The following TRIB2 variants were observed in gnomAD, a reference collection of about 807,000 sequenced individuals.
The protein encoded by TRIB2 is tribbles pseudokinase 2, also known as tribbles homolog 2.
A neutral mutation model predicts 26.8 loss-of-function variants in TRIB2; 2 were observed. That is an observed-to-expected ratio of 0.07 (90% confidence interval 0.03 to 0.24). The LOEUF (loss-of-function observed/expected upper bound fraction) is 0.24, where lower values mean the gene tolerates loss of function less well. Ranked by LOEUF, TRIB2 falls within the 10% of genes least tolerant of loss-of-function variation. TRIB2 has a pLI of 1.00. For synonymous variants in TRIB2, 189 were observed against 187.3 expected, an observed-to-expected ratio of 1.01 and a Z score of -0.08; for missense variants, 306 against 449.0, an observed-to-expected ratio of 0.68 and a Z score of 2.88.
chr2:12,721,988 G>T (rs552975557), intron 1 of TRIB2, among the ~76,000 whole-genome samples: 9 of 152,282 alleles, frequency 5.9e-5, no homozygotes, highest in African/African-American at 2.2e-4. Context: ...CAGATTTTAT[G>T]TGACATCAGG....
chr2:12,723,891 C>T (rs1010527705), intron 2 of TRIB2, among the ~76,000 whole-genome samples: 1 of 152,176 alleles, frequency 6.6e-6, no homozygotes, highest in Non-Finnish European at 1.5e-5. Flanking sequence ...AAATTCTACC[C>T]GCAGAACACT....
In TRIB2 at chr2:12,718,556, C is replaced by G. The variant is rs779026155; in HGVS notation, c.249C>G (p.Ser83Arg). ...DHVFRAVHLHSGEELVCKVFD... is the reference protein window; with the variant it reads ...DHVFRAVHLHRGEELVCKVFD... ...TTTTTCGTGCCGTGCATCTGCACAG[C>G]GGAGAGGAGCTGGTGTGCAAGGTAA... Residue 83 changes from serine (S) to arginine (R), a missense_variant, in exon 1 of 3, where the codon AGC (serine) becomes AGG (arginine). Around this residue, in one of 4 missense-constraint regions of TRIB2, gnomAD observed 118 missense variants for 188.8 expected, o/e 0.63. Transcript: ENST00000155926. This position sits in a 1 kb window ranked among gnomAD's most constrained non-coding sequence, Gnocchi z 4.0. 2 of 1,613,802 alleles carry G rather than the reference C, an allele frequency of 1.2e-6. No homozygotes were observed.
rs1666619866 is a variant in TRIB2, at chr2:12,717,546, CT to C, written c.-758del. On this transcript the variant is annotated 5_prime_UTR_variant, in exon 1 of 3. Transcript: ENST00000155926. The surrounding 1 kb of genome is among the most constrained non-coding windows in gnomAD (Gnocchi z 4.8). ...GCCCGCGCCGCAACTCTGTGCCCAG[CT>C]TTTGCAATCTTTTGTTGGCAGCGCT... 5.0e-6 allele frequency: 2 copies of C among 398,200 alleles called. No homozygotes were observed. The highest frequency in any genetic ancestry group is 4.4e-5 in the Admixed American group (1 of 22,716). 24.7% of individuals were successfully genotyped at this position (398,200 alleles called of 1,614,324 possible). A position where few individuals can be genotyped will look rare whatever the true frequency, so the allele number is the denominator to read the frequency against.
rs889094684 is a variant in TRIB2 at position 12,717,497 on chromosome 2, G to T, written c.-811G>T. ...CTCCGCGCGGCGGGCCGAGCCCAGG[G>T]CTTTGTCGCGGTACCTGCGCCCAGC... On this transcript the variant is annotated 5_prime_UTR_variant, in exon 1 of 3. Coordinates refer to ENST00000155926, the MANE Select transcript of TRIB2 (RefSeq NM_021643.4). The surrounding 1 kb of genome is among the most constrained non-coding windows in gnomAD (Gnocchi z 4.8). 5 of 398,296 alleles carry T rather than the reference G, an allele frequency of 1.3e-5. No homozygotes were observed. Among genetic ancestry groups the T allele is most frequent in the Non-Finnish European group, 4.4e-6 (1 of 225,894 alleles). 24.7% of individuals were successfully genotyped at this position (398,296 alleles called of 1,614,324 possible).
chr2:12,725,151 A>G (rs898032401), intron 2 of TRIB2, among the ~76,000 whole-genome samples: 14 of 152,204 alleles, frequency 9.2e-5, no homozygotes, highest in Admixed American at 9.2e-4. Context: ...GCCAGAGGGC[A>G]TGGGGACAGC....
At chr2:12,720,025 A>C (rs1445679282) in intron 1 of TRIB2, among the ~76,000 whole-genome samples, 1 of 152,232 alleles carries the variant, frequency 6.6e-6, no homozygotes, top group East Asian at 1.9e-4. Context: ...TGAAATATGC[A>C]CAATCACCCA....
chr2:12,729,203 G>T (rs1388580973), intron 2 of TRIB2, among the ~76,000 whole-genome samples: 3 of 152,122 alleles, frequency 2.0e-5, no homozygotes, highest in Admixed American at 6.5e-5. Context: ...CCTCATCAGA[G>T]CTCATCTCCT....
In TRIB2 at chr2:12,742,220, A is replaced by G. The variant is rs1056848673; in HGVS notation, c.*1426A>G. On this transcript the variant is annotated 3_prime_UTR_variant, in exon 3 of 3. Transcript: ENST00000155926. ...CTGTATGATACAGAACTCTTTTGGC[A>G]TAAATATTTGTGTTCCCAGTACCTC... 6.6e-6 allele frequency: 1 copy of G among 152,624 alleles called. No individual in the cohort carries two copies. Among genetic ancestry groups the G allele is most frequent in the African/African-American group, 2.4e-5 (1 of 41,442 alleles). 9.5% of individuals were successfully genotyped at this position (152,624 alleles called of 1,614,324 possible).
chr2:12,724,706 T>C, intron 2 of TRIB2: 1 of 1,612,928 alleles, frequency 6.2e-7, no homozygotes, highest in Non-Finnish European at 8.5e-7. Flanking sequence ...GATTGGTCCT[T>C]CGTCTGTTTC....
Position 12,724,402 on chromosome 2 carries a change from A to G in TRIB2, c.563+850A>G, listed in dbSNP as rs142350606. Among the ~76,000 whole-genome samples, 354 of 152,346 alleles carry G rather than the reference A, an allele frequency of 2.3e-3. 11 individuals are homozygous for G. In the East Asian group the frequency reaches 0.055, roughly 24 times the overall value. ...CGATTTTGATTACAAGAACTCCTTC[A>G]AGCCCTTTTTGTTCTTTTTAAGAAT... On this transcript the variant is annotated intron_variant, in intron 2 of 2. Coordinates refer to ENST00000155926, the MANE Select transcript of TRIB2 (RefSeq NM_021643.4).
chr2:12,721,256 A>T (rs1003071305), intron 1 of TRIB2, among the ~76,000 whole-genome samples: 6 of 152,226 alleles, frequency 3.9e-5, no homozygotes, highest in Non-Finnish European at 5.9e-5. Flanking sequence ...TTAGTTTTTT[A>T]AAAATTCTGT....
rs1661679438 is a variant in TRIB2, at chr2:12,740,070, G to A, written c.564-256G>A. On this transcript the variant is annotated intron_variant, in intron 2 of 2. Coordinates refer to ENST00000155926, the MANE Select transcript of TRIB2 (RefSeq NM_021643.4). The surrounding 1 kb of genome is among the most constrained non-coding windows in gnomAD (Gnocchi z 5.8). ...GTTCGCTAAGGTGCTCAAGGTTTGA[G>A]CTCCCCAGTGGATTATCAGCTGCAT... Among the ~76,000 whole-genome samples, 2 of 152,182 alleles carry A rather than the reference G, an allele frequency of 1.3e-5. No individual in the cohort carries two copies. Among genetic ancestry groups the A allele is most frequent in the African/African-American group, 4.8e-5 (2 of 41,446 alleles).
intron 1 of TRIB2, among the ~76,000 whole-genome samples, chr2:12,722,920 G>A (rs772192460): frequency 2.0e-5 from 3 of 152,116 alleles, no homozygotes; most frequent in African/African-American, 7.2e-5. Flanking sequence ...CTATAAACAC[G>A]CAATTGGGCT....
rs1380697827 is a variant in TRIB2, at chr2:12,740,376, A to T, written c.614A>T (p.Asp205Val). 1 of 1,614,056 alleles carries T rather than the reference A, an allele frequency of 6.2e-7. No individual in the cohort carries two copies. The highest frequency in any genetic ancestry group is 1.1e-5 in the South Asian group (1 of 91,076). The change falls in exon 3 of 3, where the codon GAT becomes GTT. Residue 205 changes from aspartate (D) to valine (V), a missense_variant. By Grantham distance (152) the Asp-to-Val change is radical. Transcript: ENST00000155926. The surrounding 1 kb of genome is among the most constrained non-coding windows in gnomAD (Gnocchi z 5.8). ...GAAGACGCCTACATTCTGCGGGGAG[A>T]TGATGATTCCCTCTCCGACAAGCAT... is the stretch of plus-strand genomic sequence containing the variant. ...SLEDAYILRG[D>V]DDSLSDKHGC...
intron 2 of TRIB2, among the ~76,000 whole-genome samples, chr2:12,733,115 G>A (rs1572483425): frequency 6.6e-6 from 1 of 151,828 alleles, no homozygotes; most frequent in South Asian, 2.1e-4. Context: ...CTTGTGGATT[G>A]AGCACTAAAC....
Position 12,740,789 on chromosome 2 carries a change from A to G in TRIB2, c.1027A>G (p.Asn343Asp), listed in dbSNP as rs767627435. 5 of 1,612,810 alleles carry G rather than the reference A, an allele frequency of 3.1e-6. No homozygotes were observed. In the Admixed American group the frequency reaches 8.3e-5, roughly 27 times the overall value. Residue 343 changes from asparagine (N) to aspartate (D), a missense_variant, in exon 3 of 3, where the codon AAC becomes GAC. Coordinates refer to ENST00000155926, the MANE Select transcript of TRIB2 (RefSeq NM_021643.4). This position sits in a 1 kb window ranked among gnomAD's most constrained non-coding sequence, Gnocchi z 5.8. ...GGAAGAGAACTTGGACCCTTTCTTTAACTGAGCTCATGCCCCACGGAGACT... is the reference window on the plus strand; with the variant it reads ...GGAAGAGAACTTGGACCCTTTCTTTGACTGAGCTCATGCCCCACGGAGACT... ...NMEENLDPFF[N>D]
rs1661719216 is a variant in TRIB2 at position 12,741,930 on chromosome 2, A to G, written c.*1136A>G. 6.5e-6 allele frequency: 1 copy of G among 152,672 alleles called. No individual in the cohort carries two copies. Among genetic ancestry groups the G allele is most frequent in the African/African-American group, 2.4e-5 (1 of 41,466 alleles). The allele number at this position is 152,672 out of a possible 1,614,324, so 9.5% of individuals were successfully genotyped here. On this transcript the variant is annotated 3_prime_UTR_variant, in exon 3 of 3. Coordinates refer to ENST00000155926, the MANE Select transcript of TRIB2 (RefSeq NM_021643.4). The stretch of plus-strand genomic sequence containing the variant: ...CTGAAAGCTATGATGATATAAATAA[A>G]AACAGCTCTCTATCCCAATACGCAC...
At chr2:12,734,011 T>A (rs1216666121) in intron 2 of TRIB2, among the ~76,000 whole-genome samples, 1 of 152,190 alleles carries the variant, frequency 6.6e-6, no homozygotes, top group Admixed American at 6.5e-5. Flanking sequence ...GGCCTGGCAC[T>A]GGGCTGGGCC....
intron 2 of TRIB2, among the ~76,000 whole-genome samples, chr2:12,724,027 C>T (rs1661283375): frequency 6.6e-6 from 1 of 152,112 alleles, no homozygotes; most frequent in Non-Finnish European, 1.5e-5. Context: ...AATTAGATAG[C>T]CAACGGACCT....
Sources: allele counts gnomAD v4.1 joint callset (sites outside exome capture counted in the v4.1 genomes callset), GRCh38; gene constraint gnomAD v4.1.1; regional missense constraint gnomAD v4.1.1; non-coding constraint Gnocchi (gnomAD v3.1); transcripts MANE v1.5; gene names NCBI Gene and HGNC (gene_info 2026-07-23, HGNC 2026-07-21).